ATP2C1: variants seen among roughly 807,000 people sequenced by gnomAD.
ATP2C1 encodes the protein ATPase secretory pathway Ca2+ transporting 1.
A neutral mutation model predicts 120.5 loss-of-function variants in ATP2C1; 31 were observed. The ratio of observed to expected loss-of-function variants is 0.26; its 90% CI spans 0.19 to 0.35. The LOEUF is 0.35. ATP2C1 is among the 10% of genes least tolerant of loss of function. The pLI, the probability that ATP2C1 is intolerant of heterozygous loss-of-function variation, is 1.00. For synonymous variants in ATP2C1, 351 were observed against 358.7 expected (o/e 0.98, Z 0.24); for missense variants, 731 against 1,107.5 (o/e 0.66, Z 4.83).
chr3:130,945,018 AT>A (rs755415495), intron 8 of ATP2C1, among the ~76,000 whole-genome samples: 3 of 151,880 alleles, frequency 2.0e-5, no homozygotes, highest in Non-Finnish European at 2.9e-5. Flanking sequence ...TTACTGTTGT[AT>A]TTTTTTTATT....
At chr3:131,012,147 A>G (rs1169056519) in intron 26 of ATP2C1, among the ~76,000 whole-genome samples, 3 of 152,140 alleles carry the variant, frequency 2.0e-5, no homozygotes, top group Non-Finnish European at 4.4e-5. Flanking sequence ...GTTGATGATA[A>G]CCCAGGAAAT....
At chr3:130,990,352 G>GGCCT (rs1479497915) in intron 20 of ATP2C1, among the ~76,000 whole-genome samples, 2 of 150,652 alleles carry the variant, frequency 1.3e-5, no homozygotes, top group Admixed American at 6.6e-5. Flanking sequence ...GACTAGGGAG[G>GGCCT]GCCTCACTGA....
chr3:130,989,869 C>T (rs1272899589), intron 20 of ATP2C1, among the ~76,000 whole-genome samples: 2 of 152,144 alleles, frequency 1.3e-5, no homozygotes, highest in East Asian at 3.8e-4. Context: ...AGAGTTTTCA[C>T]TTGGAAGGTT....
intron 2 of ATP2C1, among the ~76,000 whole-genome samples, chr3:130,906,611 C>T (rs2058132460): frequency 6.6e-6 from 1 of 151,362 alleles, no homozygotes; most frequent in South Asian, 2.1e-4. Context: ...TTTTTTCATT[C>T]CCACTAGCAG....
intron 1 of ATP2C1, among the ~76,000 whole-genome samples, chr3:130,864,938 G>A (rs2068120370): frequency 6.6e-6 from 1 of 152,202 alleles, no homozygotes; most frequent in South Asian, 2.1e-4. Flanking sequence ...CCCTACTGGG[G>A]CACTGCCTAG....
intron 24 of ATP2C1, among the ~76,000 whole-genome samples, 196 bp from the exon 25 acceptor site, chr3:130,997,410 A>T (rs570596909): frequency 2.0e-5 from 3 of 152,150 alleles, no homozygotes; most frequent in African/African-American, 4.8e-5. Context: ...AATTGTGCCA[A>T]ACAAATAAAG....
chr3:130,978,731 T>C (rs1370012614), intron 18 of ATP2C1, among the ~76,000 whole-genome samples: 1 of 152,218 alleles, frequency 6.6e-6, no homozygotes, highest in Non-Finnish European at 1.5e-5. Flanking sequence ...TCCAGGAGTT[T>C]TCATGTACAA....
At chr3:130,973,528 A>G in intron 17 of ATP2C1, among the ~76,000 whole-genome samples, 1 of 152,114 alleles carries the variant, frequency 6.6e-6, no homozygotes. Flanking sequence ...ATAGATGGCT[A>G]CTAAGTGATT....
At chr3:130,967,456 C>G in intron 16 of ATP2C1, 37 bp downstream of exon 16, 1 of 1,525,646 alleles carries the variant, frequency 6.6e-7, no homozygotes, top group South Asian at 1.1e-5. Context: ...ACATTTGAGA[C>G]ACTGCCCTCA....
intron 2 of ATP2C1, chr3:130,899,277 C>G (rs377216563): frequency 6.6e-6 from 1 of 152,126 alleles, no homozygotes; most frequent in African/African-American, 2.4e-5. Flanking sequence ...GAAAACTAAA[C>G]TACTAATAGT....
Position 130,928,030 on chromosome 3 carries a change from A to G in ATP2C1, c.7-2386A>G, listed in dbSNP as rs531945176. ...CATCAGGGTAGGCAGACTTGGAACA[A>G]TTCTCTCCAAATGGGCAGCTTCCAT... On this transcript the variant is annotated intron_variant, in intron 2 of 27. Transcript: ENST00000510168. 1.6e-3 allele frequency: 249 copies of G among 152,888 alleles called. 1 individual carries two copies. Among genetic ancestry groups the G allele is most frequent in the Non-Finnish European group, 2.6e-3 (176 of 68,074 alleles). The allele number at this position is 152,888 out of a possible 1,614,324, so 9.5% of individuals were successfully genotyped here.
chr3:131,009,112 T>C (rs2063220476), intron 26 of ATP2C1, among the ~76,000 whole-genome samples: 1 of 152,234 alleles, frequency 6.6e-6, no homozygotes, highest in Admixed American at 6.5e-5. Flanking sequence ...GTTTCCCTCC[T>C]ATTGGTTGTA....
At chr3:130,914,743 G>T (rs1047455795) in intron 2 of ATP2C1, among the ~76,000 whole-genome samples, 3 of 152,216 alleles carry the variant, frequency 2.0e-5, no homozygotes, top group African/African-American at 7.2e-5. Flanking sequence ...GCAAGTAGTT[G>T]TGTAGGTGGG....
intron 2 of ATP2C1, among the ~76,000 whole-genome samples, chr3:130,926,040 C>T (rs1047871716): frequency 6.6e-6 from 1 of 152,268 alleles, no homozygotes; most frequent in East Asian, 1.9e-4. Flanking sequence ...ATACTTTGCC[C>T]CAGACCACAA....
At chr3:130,959,141 A>G (rs1196410419) in intron 11 of ATP2C1, 134 bp from the exon 12 acceptor site, 24 of 652,514 alleles carry the variant, frequency 3.7e-5, no homozygotes, top group Non-Finnish European at 2.7e-6. Flanking sequence ...ATGGATTTTT[A>G]TAAAATCTTC....
downstream of ATP2C1, among the ~76,000 whole-genome samples, chr3:131,007,023 G>T (rs947177875): frequency 3.9e-5 from 6 of 151,936 alleles, no homozygotes; most frequent in African/African-American, 1.5e-4. Flanking sequence ...TAAAATTGTG[G>T]GATTTTATGT....
chr3:130,992,900 C>CT (rs779272080), intron 20 of ATP2C1, 51 bp from the exon 21 acceptor site: 17 of 1,438,536 alleles, frequency 1.2e-5, no homozygotes, highest in Non-Finnish European at 1.7e-5. Flanking sequence ...ATGGGTTATT[C>CT]TGTAGAAATC....
chr3:130,932,065 G>A lies in ATP2C1; in HGVS notation c.161G>A (p.Arg54Lys). Residue 54 changes from arginine to lysine, a missense_variant, in exon 4 of 28, where the codon AGG becomes AAG. Physicochemically the swap from Arg to Lys is conservative, Grantham distance 26. Transcript: ENST00000510168. The stretch of plus-strand genomic sequence containing the variant: ...CTAAACAAATGTGAAGTTAGTCATA[G>A]GCGAGCCTTTCATGGCTGGAATGAG... ...NGLNKCEVSHRRAFHGWNEFD... is the reference protein window; with the variant it reads ...NGLNKCEVSHKRAFHGWNEFD... 6.2e-7 allele frequency: 1 copy of A among 1,613,094 alleles called. No homozygotes were observed. The highest frequency in any genetic ancestry group is 8.5e-7 in the Non-Finnish European group (1 of 1,179,212).
intron 1 of ATP2C1, among the ~76,000 whole-genome samples, chr3:130,863,397 T>G (rs992021583): frequency 6.6e-6 from 1 of 152,160 alleles, no homozygotes; most frequent in Admixed American, 6.5e-5. Context: ...TAATTAATAT[T>G]AAACACACCA....
Sources: allele counts gnomAD v4.1 joint callset (sites outside exome capture counted in the v4.1 genomes callset), GRCh38; gene constraint gnomAD v4.1.1; transcripts MANE v1.5; gene names NCBI Gene and HGNC (gene_info 2026-07-23, HGNC 2026-07-21).